RARB: variants seen among roughly 807,000 people sequenced by gnomAD.
The protein encoded by RARB is retinoic acid receptor beta.
RARB carries 17 observed loss-of-function variants against 51.9 expected under a neutral mutation model. The ratio of observed to expected loss-of-function variants is 0.33; its 90% CI spans 0.22 to 0.49. The LOEUF (loss-of-function observed/expected upper bound fraction) is 0.49, where lower values mean the gene tolerates loss of function less well. RARB is among the 20% of genes least tolerant of loss of function. The probability of loss-of-function intolerance (pLI) is 0.99; values close to 1 mark genes in which losing one functional copy is unlikely to be tolerated. For synonymous variants in RARB, 215 were observed against 195.4 expected (o/e 1.10, Z -0.84); for missense variants, 369 against 550.8 (o/e 0.67, Z 3.30).
At chr3:25,591,408 T>C (rs1286995433) in intron 5 of RARB, among the ~76,000 whole-genome samples, 1 of 152,188 alleles carries the variant, frequency 6.6e-6, no homozygotes, top group Non-Finnish European at 1.5e-5. Flanking sequence ...AAGGCCGATA[T>C]CGAAATCAGT....
intron 2 of RARB, among the ~76,000 whole-genome samples, chr3:25,048,331 G>T (rs760593953): frequency 6.6e-6 from 1 of 152,132 alleles, no homozygotes; most frequent in Non-Finnish European, 1.5e-5. Flanking sequence ...GATCTAAATA[G>T]CTATACCTTG....
chr3:24,846,832 G>T (rs2125333378), intron 1 of RARB, among the ~76,000 whole-genome samples: 1 of 151,102 alleles, frequency 6.6e-6, no homozygotes, highest in African/African-American at 2.4e-5. Context: ...GTGTACCTGT[G>T]TGGCAATGAA....
At chr3:24,874,699 T>C (rs986393536) in intron 2 of RARB, among the ~76,000 whole-genome samples, 11 of 152,186 alleles carry the variant, frequency 7.2e-5, no homozygotes, top group African/African-American at 2.6e-4. Context: ...TTTCTTTTTT[T>C]TCTGAGTAAA....
intron 2 of RARB, among the ~76,000 whole-genome samples, chr3:25,008,629 T>G (rs1697327144): frequency 6.6e-6 from 1 of 152,126 alleles, no homozygotes; most frequent in African/African-American, 2.4e-5. Context: ...ACTTCTCTAG[T>G]ACCTTGAAAC....
chr3:25,204,452 G>T (rs531398171), intron 5 of RARB, among the ~76,000 whole-genome samples: 3 of 152,334 alleles, frequency 2.0e-5, no homozygotes, highest in South Asian at 2.1e-4. Context: ...GTCCACCTTT[G>T]TTCCATTGCT....
intron 2 of RARB, among the ~76,000 whole-genome samples, chr3:25,490,382 A>G (rs1257939583): frequency 1.3e-5 from 2 of 152,228 alleles, no homozygotes; most frequent in Admixed American, 6.5e-5. Flanking sequence ...GAATTATGCA[A>G]TATGCAGCAT....
intron 2 of RARB, among the ~76,000 whole-genome samples, chr3:25,491,337 C>T (rs919973648): frequency 5.3e-5 from 8 of 152,122 alleles, no homozygotes; most frequent in South Asian, 2.1e-4. Context: ...ACATAAAACC[C>T]CTCCTGTAAG....
intron 3 of RARB, among the ~76,000 whole-genome samples, chr3:25,121,666 GGTAT>G (rs1440940629): frequency 2.0e-5 from 3 of 152,002 alleles, no homozygotes; most frequent in African/African-American, 7.2e-5. Context: ...TTTTGGATTT[GGTAT>G]GTATTTTGAT....
chr3:24,916,458 C>T (rs1045177726), intron 2 of RARB, among the ~76,000 whole-genome samples: 1 of 152,132 alleles, frequency 6.6e-6, no homozygotes, highest in African/African-American at 2.4e-5. Flanking sequence ...AGGTCCTGGT[C>T]TCCTCTGTTA....
chr3:25,449,969 C>T (rs1709120191), intron 1 of RARB, among the ~76,000 whole-genome samples: 1 of 152,066 alleles, frequency 6.6e-6, no homozygotes, highest in Admixed American at 6.5e-5. Flanking sequence ...CCAGGCTGGT[C>T]TCAAACTTCT....
intron 1 of RARB, among the ~76,000 whole-genome samples, chr3:25,453,834 T>A (rs1694745159): frequency 6.6e-6 from 1 of 152,148 alleles, no homozygotes; most frequent in East Asian, 1.9e-4. Context: ...AACAATGATA[T>A]TTTCCTTCAC....
intron 2 of RARB, among the ~76,000 whole-genome samples, chr3:24,953,351 G>A (rs193276492): frequency 2.0e-5 from 3 of 152,230 alleles, no homozygotes. Flanking sequence ...ACCTGAAAAA[G>A]CAATCTATAC....
chr3:25,259,680 T>G (rs1702950901), intron 5 of RARB, among the ~76,000 whole-genome samples: 1 of 152,168 alleles, frequency 6.6e-6, no homozygotes, highest in South Asian at 2.1e-4. Flanking sequence ...TATAACTAAT[T>G]CATACATTTT....
At chr3:25,530,908 C>G (rs1698872682) in intron 3 of RARB, among the ~76,000 whole-genome samples, 1 of 152,158 alleles carries the variant, frequency 6.6e-6, no homozygotes, top group Non-Finnish European at 1.5e-5. Context: ...ATGCCACTTC[C>G]TGGTTTCAGG....
At position 25,206,674 on chromosome 3, in the gene RARB, A is replaced by T. The variant is rs554374463; in HGVS notation, c.178+32099A>T. On this transcript the variant is annotated intron_variant, in intron 5 of 11. Coordinates refer to the RARB transcript ENST00000383772. Reference sequence around the variant, plus strand: ...TATTTGCATGAAATACAGTAGCTCAATGAAACACACAAAAATTATGTTGGG... The same window carrying T: ...TATTTGCATGAAATACAGTAGCTCATTGAAACACACAAAAATTATGTTGGG... Among the ~76,000 whole-genome samples the T allele has an allele frequency of 2.7e-4, 41 of 152,348 alleles. 1 individual carries two copies. In the South Asian group the frequency reaches 8.1e-3, roughly 30 times the overall value.
At chr3:25,206,547 T>A (rs150012247) in intron 5 of RARB, among the ~76,000 whole-genome samples, 1 of 152,136 alleles carries the variant, frequency 6.6e-6, no homozygotes, top group Admixed American at 6.5e-5. Context: ...TCTTTTGAGG[T>A]CATTCCCTGT....
At chr3:25,376,015 C>G (rs1402549307) in intron 5 of RARB, among the ~76,000 whole-genome samples, 2 of 152,180 alleles carry the variant, frequency 1.3e-5, no homozygotes, top group Non-Finnish European at 2.9e-5. Flanking sequence ...AGTAAATGAG[C>G]TAATACACGT....
intron 5 of RARB, among the ~76,000 whole-genome samples, chr3:25,292,029 T>A (rs1415112120): frequency 4.0e-5 from 6 of 150,572 alleles, no homozygotes; most frequent in African/African-American, 1.5e-4. Flanking sequence ...GAGAAGGGGG[T>A]AGTGAGTCTT....
chr3:25,078,501 A>G (rs1698920749), intron 3 of RARB, among the ~76,000 whole-genome samples: 1 of 150,798 alleles, frequency 6.6e-6, no homozygotes, highest in Non-Finnish European at 1.5e-5. Context: ...TGGTAACTGT[A>G]ACTTTAAGAT....
Sources: allele counts gnomAD v4.1 joint callset (sites outside exome capture counted in the v4.1 genomes callset), GRCh38; gene constraint gnomAD v4.1.1; transcripts MANE v1.5; gene names NCBI Gene and HGNC (gene_info 2026-07-23, HGNC 2026-07-21).